The following ANKS6 variants were observed in gnomAD, a reference collection of about 807,000 sequenced individuals.
ANKS6 encodes ankyrin repeat and SAM domain-containing protein 6.
ANKS6 carries 47 observed loss-of-function variants against 77.9 expected under a neutral mutation model. That is an observed-to-expected ratio of 0.60 (90% confidence interval 0.48 to 0.77). The LOEUF (loss-of-function observed/expected upper bound fraction) is 0.77. Ranked by LOEUF, ANKS6 falls within the 30% of genes least tolerant of loss-of-function variation. ANKS6 has a pLI of 0.00. For synonymous variants in ANKS6, 488 were observed against 501.7 expected (o/e 0.97, Z 0.37); for missense variants, 1,150 against 1,159.1 (o/e 0.99, Z 0.11).
intron 2 of ANKS6, among the ~76,000 whole-genome samples, chr9:98,785,946 G>A (rs1273247577): frequency 6.6e-6 from 1 of 152,178 alleles, no homozygotes; most frequent in East Asian, 1.9e-4. Context: ...CATTCAAAGA[G>A]CAATTACTTT....
intron 13 of ANKS6, among the ~76,000 whole-genome samples, chr9:98,750,089 C>T (rs1832346276): frequency 6.6e-6 from 1 of 152,144 alleles, no homozygotes; most frequent in South Asian, 2.1e-4. Context: ...AGTTGTGTAA[C>T]CATCACCACA....
intron 6 of ANKS6, among the ~76,000 whole-genome samples, chr9:98,779,937 C>T (rs1834144772): frequency 9.2e-5 from 14 of 152,148 alleles, no homozygotes; most frequent in Admixed American, 9.2e-4. Flanking sequence ...GCTGGGATTA[C>T]AGGCGTGAGC....
chr9:98,734,581 G>C lies in ANKS6; in HGVS notation c.*1938C>G, dbSNP rs1831385827. 5 of 985,446 alleles carry C rather than the reference G, an allele frequency of 5.1e-6. No individual in the cohort carries two copies. Among genetic ancestry groups the C allele is most frequent in the Non-Finnish European group, 6.0e-6 (5 of 829,940 alleles). 61.0% of individuals were successfully genotyped at this position (985,446 alleles called of 1,614,324 possible). On this transcript the variant is annotated 3_prime_UTR_variant, in exon 15 of 15. Transcript: ENST00000353234. ...TAGCTCCAGGAGTCTATAGGAGTTA[G>C]TGGAAAAGGCACAGGCTTGCAAGCC... is the stretch of plus-strand genomic sequence containing the variant.
At position 98,732,587 on chromosome 9, in the gene ANKS6, G is replaced by C. The variant is rs779774187; in HGVS notation, c.*3932C>G. 6.4e-7 allele frequency: 1 copy of C among 1,550,458 alleles called. No individual in the cohort carries two copies. The highest frequency in any genetic ancestry group is 8.7e-7 in the Non-Finnish European group (1 of 1,146,970). On this transcript the variant is annotated 3_prime_UTR_variant, in exon 15 of 15. Coordinates refer to ENST00000353234, the MANE Select transcript of ANKS6 (RefSeq NM_173551.5). ...GGGCAGAAGGGAGAGAAGAAAGAGAGATGAGAGATGAAAGGATTTAAAATG... is the reference window on the plus strand; with the variant it reads ...GGGCAGAAGGGAGAGAAGAAAGAGACATGAGAGATGAAAGGATTTAAAATG...
chr9:98,761,365 G>A (rs567127701), intron 11 of ANKS6, among the ~76,000 whole-genome samples: 51 of 152,226 alleles, frequency 3.4e-4, no homozygotes, highest in Non-Finnish European at 6.0e-4. Context: ...GAACTCTAGG[G>A]CTTAAGCAAT....
intron 1 of ANKS6, among the ~76,000 whole-genome samples, chr9:98,795,592 T>C (rs1835131846): frequency 6.6e-6 from 1 of 152,170 alleles, no homozygotes; most frequent in Non-Finnish European, 1.5e-5. Context: ...ACAGCCCACT[T>C]GTAATGTCCT....
chr9:98,756,557 G>A lies in ANKS6; in HGVS notation c.2189C>T (p.Ser730Phe). ...CGTGAGGGTTGGAGAGGTGCTCTTGGAGGTAGTGGAAGTTCCAGATGGAGG... is the reference window on the plus strand; with the variant it reads ...CGTGAGGGTTGGAGAGGTGCTCTTGAAGGTAGTGGAAGTTCCAGATGGAGG... ...KRPPSGTSTT[S>F]KSTSPTLTPS... Residue 730 changes from serine to phenylalanine, a missense_variant, in exon 12 of 15, where the codon TCC becomes TTC. By Grantham distance (155) the Ser-to-Phe change is radical. Coordinates refer to ENST00000353234, the MANE Select transcript of ANKS6 (RefSeq NM_173551.5). 1.3e-6 allele frequency: 2 copies of A among 1,573,102 alleles called. No individual in the cohort carries two copies. Among genetic ancestry groups the A allele is most frequent in the Non-Finnish European group, 1.7e-6 (2 of 1,162,686 alleles).
intron 11 of ANKS6, 141 bp from the exon 12 acceptor site, chr9:98,756,744 A>C: frequency 1.4e-6 from 1 of 725,822 alleles, no homozygotes; most frequent in Non-Finnish European, 2.0e-6. Context: ...TACTTTTAAA[A>C]ACATGGAAAG....
intron 2 of ANKS6, among the ~76,000 whole-genome samples, chr9:98,789,059 T>C (rs572839406): frequency 1.7e-4 from 25 of 150,728 alleles, no homozygotes; most frequent in African/African-American, 6.1e-4. Context: ...TTGGAGAGTG[T>C]ATTTCTAATA....
Position 98,733,246 on chromosome 9 carries a change from C to G in ANKS6, c.*3273G>C, listed in dbSNP as rs1831300564. On this transcript the variant is annotated 3_prime_UTR_variant, in exon 15 of 15. Coordinates refer to ENST00000353234, the MANE Select transcript of ANKS6 (RefSeq NM_173551.5). ...CAATCTCCTCACAAAACCAGCTGGCCTCCATGTAATTTTGTGGCGCTGAAG... is the reference window on the plus strand; with the variant it reads ...CAATCTCCTCACAAAACCAGCTGGCGTCCATGTAATTTTGTGGCGCTGAAG... 1 of 985,524 alleles carries G rather than the reference C, an allele frequency of 1.0e-6. No homozygotes were observed. The highest frequency in any genetic ancestry group is 1.1e-4 in the East Asian group (1 of 8,814). 61.0% of individuals were successfully genotyped at this position (985,524 alleles called of 1,614,324 possible).
intron 1 of ANKS6, among the ~76,000 whole-genome samples, chr9:98,794,148 C>CAAAAAAA (rs375021953): frequency 3.6e-5 from 4 of 109,978 alleles, no homozygotes; most frequent in Admixed American, 9.8e-5. Flanking sequence ...GACTCCGTCT[C>CAAAAAAA]AAAAAAAAAA....
intron 12 of ANKS6, among the ~76,000 whole-genome samples, chr9:98,752,080 C>CA (rs752570881): frequency 1.4e-5 from 2 of 138,510 alleles, no homozygotes; most frequent in Non-Finnish European, 3.2e-5. Flanking sequence ...GGCTACAAAG[C>CA]AAGACCCTGT....
chr9:98,741,131 T>C (rs1188322446), intron 14 of ANKS6, among the ~76,000 whole-genome samples: 1 of 152,230 alleles, frequency 6.6e-6, no homozygotes, highest in African/African-American at 2.4e-5. Context: ...TATACAAAGT[T>C]TGAAAATCTA....
intron 14 of ANKS6, among the ~76,000 whole-genome samples, chr9:98,744,598 G>C (rs1466980598): frequency 2.6e-5 from 4 of 152,142 alleles, no homozygotes; most frequent in Admixed American, 1.3e-4. Context: ...GTATGTGTCT[G>C]TTCAATATTT....
chr9:98,777,356 T>C (rs372215908), intron 8 of ANKS6, 49 bp downstream of exon 8: 10 of 1,574,724 alleles, frequency 6.4e-6, no homozygotes, highest in Non-Finnish European at 8.7e-6. Flanking sequence ...ATCAATCAAC[T>C]GATGATTGCC....
intron 13 of ANKS6, 111 bp downstream of exon 13, chr9:98,750,918 T>C: frequency 1.3e-6 from 1 of 796,970 alleles, no homozygotes; most frequent in South Asian, 1.6e-5. Context: ...TTTCCTCAAC[T>C]GTCTCAGTGC....
chr9:98,752,292 A>G (rs1832472822), intron 12 of ANKS6, among the ~76,000 whole-genome samples: 1 of 152,262 alleles, frequency 6.6e-6, no homozygotes, highest in South Asian at 2.1e-4. Context: ...GAGTAAGAGC[A>G]TTAGGCAGCA....
Position 98,734,618 on chromosome 9 carries a change from G to A in ANKS6, c.*1901C>T. Reference sequence around the variant, plus strand: ...CAGGCTTGCAAGCCCACCAGGTCCGGTTCTGACCCCAGATCTGCTCCTTCT... The same window carrying A: ...CAGGCTTGCAAGCCCACCAGGTCCGATTCTGACCCCAGATCTGCTCCTTCT... On this transcript the variant is annotated 3_prime_UTR_variant, in exon 15 of 15. Transcript: ENST00000353234. 2.0e-6 allele frequency: 2 copies of A among 976,098 alleles called. No individual in the cohort carries two copies. The highest frequency in any genetic ancestry group is 2.4e-6 in the Non-Finnish European group (2 of 821,508). The allele number at this position is 976,098 out of a possible 1,614,324, so 60.5% of individuals were successfully genotyped here. A position where few individuals can be genotyped will look rare whatever the true frequency, so the allele number is the denominator to read the frequency against.
chr9:98,772,958 T>C (rs776526022), intron 9 of ANKS6, among the ~76,000 whole-genome samples: 1 of 152,230 alleles, frequency 6.6e-6, no homozygotes, highest in Admixed American at 6.5e-5. Flanking sequence ...CTGGGCTACA[T>C]GGCAGTGGGA....
Sources: gnomAD v4.1 joint callset for allele counts (sites outside exome capture counted in the v4.1 genomes callset) on GRCh38, gnomAD v4.1.1 for gene constraint, MANE v1.5 for transcripts, NCBI Gene and HGNC (gene_info 2026-07-23, HGNC 2026-07-21) for gene names.